Variants in HEMK2 observed in about 807,000 individuals in gnomAD.
HEMK2 encodes HemK methyltransferase 2, ETF1 glutamine and histone H4 lysine.
chr21:28,707,310 C>CG, the HEMK2 span, among the ~76,000 whole-genome samples: 1 of 146,342 alleles, frequency 6.8e-6, no homozygotes, highest in Non-Finnish European at 1.5e-5. Flanking sequence ...GTGTGGAGTA[C>CG]GGTGGCATGA....
the HEMK2 span, among the ~76,000 whole-genome samples, chr21:28,831,068 G>C: frequency 3.9e-5 from 6 of 152,088 alleles, no homozygotes; most frequent in African/African-American, 7.2e-5. Context: ...TAAAGGAGTA[G>C]AAATCAATTT....
chr21:28,727,718 C>T, the HEMK2 span, among the ~76,000 whole-genome samples: 2 of 152,286 alleles, frequency 1.3e-5, no homozygotes, highest in Admixed American at 6.5e-5. Flanking sequence ...ACCTGCAATG[C>T]GTAGGTAAAT....
the HEMK2 span, among the ~76,000 whole-genome samples, chr21:28,799,310 T>A: frequency 6.6e-6 from 1 of 152,154 alleles, no homozygotes; most frequent in Admixed American, 6.5e-5. Context: ...AAACTTCCCT[T>A]TTTAAAATCA....
At chr21:28,836,807 G>A in the HEMK2 span, among the ~76,000 whole-genome samples, 1 of 138,422 alleles carries the variant, frequency 7.2e-6, no homozygotes, top group Non-Finnish European at 1.5e-5. Flanking sequence ...AAAGTAAAGC[G>A]GTTAAAAAAA....
the HEMK2 span, among the ~76,000 whole-genome samples, chr21:28,854,004 T>C: frequency 1.3e-5 from 2 of 152,208 alleles, no homozygotes; most frequent in South Asian, 4.1e-4. Context: ...ATTTCAGCTC[T>C]TTCTCGACAG....
At chr21:28,716,686 G>T in the HEMK2 span, among the ~76,000 whole-genome samples, 18 of 152,076 alleles carry the variant, frequency 1.2e-4, no homozygotes, top group Non-Finnish European at 1.9e-4. Flanking sequence ...TCCTCATCTT[G>T]TTCCAGGTCT....
chr21:28,666,803 A>C, the HEMK2 span, among the ~76,000 whole-genome samples: 1 of 152,178 alleles, frequency 6.6e-6, no homozygotes, highest in Non-Finnish European at 1.5e-5. Flanking sequence ...AGACTAGAAA[A>C]TATAGTCGTT....
chr21:28,777,474 A>G, the HEMK2 span, among the ~76,000 whole-genome samples: 1 of 152,166 alleles, frequency 6.6e-6, no homozygotes, highest in East Asian at 1.9e-4. Flanking sequence ...CAATGTCTAC[A>G]AAGGAAATGA....
At chr21:28,752,741 G>A in the HEMK2 span, among the ~76,000 whole-genome samples, 1 of 152,192 alleles carries the variant, frequency 6.6e-6, no homozygotes, top group Admixed American at 6.5e-5. Context: ...GGGCAGAAAT[G>A]AGAGAGAAAG....
the HEMK2 span, among the ~76,000 whole-genome samples, chr21:28,843,671 A>G: frequency 4.6e-5 from 7 of 152,302 alleles, no homozygotes; most frequent in Admixed American, 2.6e-4. Flanking sequence ...CTTCTTGATT[A>G]AACATGAAAT....
At chr21:28,633,717 G>A in the HEMK2 span, among the ~76,000 whole-genome samples, 27 of 152,230 alleles carry the variant, frequency 1.8e-4, no homozygotes, top group East Asian at 5.0e-3. Flanking sequence ...TTTCCTCTGC[G>A]TGGCTACCAG....
the HEMK2 span, among the ~76,000 whole-genome samples, chr21:28,658,392 T>C: frequency 6.6e-6 from 1 of 152,020 alleles, no homozygotes; most frequent in Non-Finnish European, 1.5e-5. Context: ...AGAATTCTGA[T>C]TCAGTGGGGC....
the HEMK2 span, among the ~76,000 whole-genome samples, chr21:28,758,771 A>T: frequency 2.0e-5 from 3 of 152,296 alleles, no homozygotes; most frequent in South Asian, 6.2e-4. Flanking sequence ...GGTTACCTAA[A>T]AATAACTTCC....
chr21:28,617,338 A>C, the HEMK2 span, among the ~76,000 whole-genome samples: 1 of 152,210 alleles, frequency 6.6e-6, no homozygotes, highest in Admixed American at 6.5e-5. Flanking sequence ...GGAGATGCAA[A>C]CAAGGACCAA....
chr21:28,827,259 T>A, the HEMK2 span, among the ~76,000 whole-genome samples: 1 of 152,174 alleles, frequency 6.6e-6, no homozygotes, highest in Non-Finnish European at 1.5e-5. Flanking sequence ...ATATGCAACC[T>A]CAGAGAAGCA....
At chr21:28,873,197 C>T in the HEMK2 span, 1 of 152,200 alleles carries the variant, frequency 6.6e-6, no homozygotes, top group African/African-American at 2.4e-5. Context: ...TTTACTCTCT[C>T]CTTGATATCC....
At chr21:28,804,379 C>G in the HEMK2 span, among the ~76,000 whole-genome samples, 1 of 152,060 alleles carries the variant, frequency 6.6e-6, no homozygotes, top group Non-Finnish European at 1.5e-5. Flanking sequence ...ACAAGAACAG[C>G]CAGATTTTCT....
the HEMK2 span, among the ~76,000 whole-genome samples, chr21:28,671,973 C>G: frequency 6.6e-6 from 1 of 152,154 alleles, no homozygotes; most frequent in African/African-American, 2.4e-5. Flanking sequence ...GACTTATTCA[C>G]TCTACAGTGG....
chr21:28,662,885 A>T, the HEMK2 span, among the ~76,000 whole-genome samples: 1 of 152,082 alleles, frequency 6.6e-6, no homozygotes, highest in Non-Finnish European at 1.5e-5. Flanking sequence ...ACAGACTGAT[A>T]CACCGACATA....
Sources: allele counts gnomAD v4.1 joint callset (sites outside exome capture counted in the v4.1 genomes callset), GRCh38; gene constraint gnomAD v4.1.1; transcripts MANE v1.5; gene names NCBI Gene and HGNC (gene_info 2026-07-23, HGNC 2026-07-21).